SCN8A: variants seen among roughly 807,000 people sequenced by gnomAD.
SCN8A encodes the protein sodium voltage-gated channel alpha subunit 8.
A neutral mutation model predicts 184.1 loss-of-function variants in SCN8A; 30 were observed. That is an observed-to-expected ratio of 0.16 (90% CI 0.12 to 0.22). SCN8A has a LOEUF of 0.22. SCN8A is among the 10% of genes least tolerant of loss of function. The pLI, the probability that SCN8A is intolerant of heterozygous loss-of-function variation, is 1.00. For missense variants in SCN8A, 1,057 were observed against 2,498.9 expected (o/e 0.42, Z 12.30); for synonymous variants, 852 against 907.0 (o/e 0.94, Z 1.09).
At chr12:51,607,613 G>C (rs938512397) in intron 1 of SCN8A, among the ~76,000 whole-genome samples, 4 of 152,110 alleles carry the variant, frequency 2.6e-5, no homozygotes, top group African/African-American at 9.7e-5. Flanking sequence ...CTTGTATGCC[G>C]ATTTTGCTGA....
At position 51,738,978 on chromosome 12, in the gene SCN8A, C is replaced by T. The variant is rs539946857; in HGVS notation, c.1999-6925C>T. On this transcript the variant is annotated intron_variant, in intron 12 of 26. Transcript: ENST00000627620. ...AAATGCCCTGGTTTAGAATGGGGCC[C>T]GGGACAGGCCCCTCATGGTGTTTCC... 1.2e-4 allele frequency among the ~76,000 whole-genome samples: 19 copies of T among 152,268 alleles called. 1 individual carries two copies. The highest frequency in any genetic ancestry group is 2.2e-4 in the African/African-American group (9 of 41,556).
At position 51,804,495 on chromosome 12, in the gene SCN8A, C is replaced by T. The variant is rs1592173059; in HGVS notation, c.4796-1787C>T. On this transcript the variant is annotated intron_variant, in intron 26 of 26. Coordinates refer to ENST00000627620, the MANE Select transcript of SCN8A (RefSeq NM_001330260.2). Reference sequence around the variant, plus strand: ...CACCGCGCCCAGCTAATTTTTGTACCTTTTTTTTTTTTGAGATGGAGTCTC... The same window carrying T: ...CACCGCGCCCAGCTAATTTTTGTACTTTTTTTTTTTTTGAGATGGAGTCTC... Among the ~76,000 whole-genome samples, 3 of 142,472 alleles carry T rather than the reference C, an allele frequency of 2.1e-5. No individual in the cohort carries two copies. In the South Asian group the frequency reaches 6.7e-4, roughly 32 times the overall value. 93.5% of individuals were successfully genotyped at this position (142,472 alleles called of 152,430 possible). A position where few individuals can be genotyped will look rare whatever the true frequency, so the allele number is the denominator to read the frequency against.
intron 1 of SCN8A, among the ~76,000 whole-genome samples, chr12:51,632,568 A>G (rs900568294): frequency 1.3e-5 from 2 of 152,186 alleles, no homozygotes; most frequent in African/African-American, 2.4e-5. Context: ...AGCATTGTCC[A>G]CAACCTAGGG....
intron 12 of SCN8A, among the ~76,000 whole-genome samples, chr12:51,729,491 C>G (rs1166191424): frequency 1.3e-5 from 2 of 152,018 alleles, no homozygotes; most frequent in Non-Finnish European, 2.9e-5. Context: ...TTTTATATAC[C>G]AGTAGTTCAT....
rs1486793102 is a variant in SCN8A at position 51,790,323 on chromosome 12, A to G, written c.4420-75A>G. The G allele has an allele frequency of 4.9e-6, 5 of 1,022,542 alleles. No individual in the cohort carries two copies. The East Asian group carries it at 1.1e-4, about 22-fold the overall frequency. 63.3% of individuals were successfully genotyped at this position (1,022,542 alleles called of 1,614,324 possible). On this transcript the variant is annotated intron_variant, in intron 24 of 26. Coordinates refer to ENST00000627620, the MANE Select transcript of SCN8A (RefSeq NM_001330260.2). ...GATAGGTCTCCCCTCAGTTCTCAGT[A>G]TTGAACCTTAGGTCCAAACCCATAG...
intron 6 of SCN8A, chr12:51,689,719 A>C (rs1401332495): frequency 6.6e-6 from 1 of 152,172 alleles, no homozygotes; most frequent in African/African-American, 2.4e-5. Context: ...TTCAGGGTTC[A>C]TTCTCAGACA....
chr12:51,709,626 T>C (rs1941840819), intron 11 of SCN8A, among the ~76,000 whole-genome samples: 1 of 152,100 alleles, frequency 6.6e-6, no homozygotes, highest in African/African-American at 2.4e-5. Context: ...TAAGGAAGGA[T>C]GCCATGTTGA....
intron 2 of SCN8A, among the ~76,000 whole-genome samples, chr12:51,682,924 C>T (rs10735838): frequency 0.7 from 106,602 of 152,058 alleles, 40,261 homozygotes; most frequent in East Asian, 0.86. Flanking sequence ...TGCTTTCATA[C>T]ATGTGATTTT....
chr12:51,644,349 C>T (rs1273674577), intron 1 of SCN8A, among the ~76,000 whole-genome samples: 3 of 152,114 alleles, frequency 2.0e-5, no homozygotes, highest in Non-Finnish European at 4.4e-5. Flanking sequence ...CCTCTTTATG[C>T]CTCAGTTTTC....
At chr12:51,592,020 A>C (rs1014058396) in intron 1 of SCN8A, among the ~76,000 whole-genome samples, 11 of 143,098 alleles carry the variant, frequency 7.7e-5, no homozygotes, top group African/African-American at 2.7e-4. Flanking sequence ...GAAGCACATC[A>C]CTTTGAGAAT....
chr12:51,721,976 TG>T, intron 12 of SCN8A, 68 bp downstream of exon 12: 1 of 1,598,884 alleles, frequency 6.3e-7, no homozygotes, highest in South Asian at 1.1e-5. Context: ...AGGCTAGGCA[TG>T]GCAGTCTCCC....
intron 2 of SCN8A, among the ~76,000 whole-genome samples, chr12:51,682,910 A>G (rs745672608): frequency 7.2e-5 from 11 of 152,182 alleles, no homozygotes; most frequent in Admixed American, 2.6e-4. Flanking sequence ...GCTACATGCT[A>G]CTATGCTTTC....
intron 1 of SCN8A, among the ~76,000 whole-genome samples, chr12:51,602,377 A>C (rs779361644): frequency 1.3e-5 from 2 of 152,224 alleles, no homozygotes; most frequent in Non-Finnish European, 2.9e-5. Flanking sequence ...GTATAATTCC[A>C]CTTATGTGAG....
intron 14 of SCN8A, among the ~76,000 whole-genome samples, chr12:51,762,045 T>C (rs1382168300): frequency 6.6e-6 from 1 of 152,228 alleles, no homozygotes; most frequent in Non-Finnish European, 1.5e-5. Flanking sequence ...TGTATGCTTT[T>C]ACACCTTGTG....
intron 1 of SCN8A, among the ~76,000 whole-genome samples, chr12:51,653,104 G>T (rs1222759379): frequency 6.6e-6 from 1 of 152,134 alleles, no homozygotes; most frequent in Non-Finnish European, 1.5e-5. Context: ...TGGATCATCT[G>T]AGGTCAGGAG....
At chr12:51,604,321 G>A (rs557418591) in intron 1 of SCN8A, among the ~76,000 whole-genome samples, 1 of 150,536 alleles carries the variant, frequency 6.6e-6, no homozygotes, top group Non-Finnish European at 1.5e-5. Flanking sequence ...TTGTTCAAAA[G>A]ACTGTCTTTC....
At chr12:51,754,904 C>T (rs1482671122) in intron 14 of SCN8A, among the ~76,000 whole-genome samples, 2 of 152,266 alleles carry the variant, frequency 1.3e-5, no homozygotes, top group African/African-American at 4.8e-5. Flanking sequence ...CTACTGGTGA[C>T]GTTCATTTAA....
chr12:51,770,369 T>C, intron 18 of SCN8A, 160 bp from the exon 19 acceptor site: 1 of 819,326 alleles, frequency 1.2e-6, no homozygotes, highest in Non-Finnish European at 1.9e-6. Context: ...GCCCCAGCCC[T>C]GCCACCCTCT....
rs1304690853 is a variant in SCN8A at position 51,726,762 on chromosome 12, AC to A, written c.1998+4855del. ...AAAGCCAATTTTCATTCCTTTTCTT[AC>A]ACATTTTTGGCCCTGATAGCTCTGA... On this transcript the variant is annotated intron_variant, in intron 12 of 26. Coordinates refer to ENST00000627620, the MANE Select transcript of SCN8A (RefSeq NM_001330260.2). Among the ~76,000 whole-genome samples the A allele has an allele frequency of 2.0e-5, 3 of 152,158 alleles. No homozygotes were observed. In the East Asian group the frequency reaches 5.8e-4, roughly 29 times the overall value.
Sources: gnomAD v4.1 joint callset for allele counts (sites outside exome capture counted in the v4.1 genomes callset) on GRCh38, gnomAD v4.1.1 for gene constraint, MANE v1.5 for transcripts, NCBI Gene and HGNC (gene_info 2026-07-23, HGNC 2026-07-21) for gene names.